The following ADGRV1 variants were observed in gnomAD, a reference collection of about 807,000 sequenced individuals.
ADGRV1 encodes adhesion G protein-coupled receptor V1, also known as G-protein coupled receptor 98.
ADGRV1 carries 359 observed loss-of-function variants against 596.2 expected under a neutral mutation model. The ratio of observed to expected loss-of-function variants is 0.60; its 90% CI spans 0.55 to 0.66. ADGRV1 has a LOEUF of 0.66. ADGRV1 is among the 30% of genes least tolerant of loss of function. The pLI is 0.00. For missense variants in ADGRV1, 7,274 were observed against 7,575.6 expected (o/e 0.96, Z 1.48); for synonymous variants, 2,681 against 2,679.2 (o/e 1.00, Z -0.02).
In ADGRV1 at chr5:90,627,743, G is replaced by T. The variant is rs1257849399; in HGVS notation, c.1205G>T (p.Arg402Met). 6.3e-7 allele frequency: 1 copy of T among 1,578,764 alleles called. No homozygotes were observed. Among genetic ancestry groups the T allele is most frequent in the African/African-American group, 1.4e-5 (1 of 73,650 alleles). The stretch of plus-strand genomic sequence containing the variant: ...TCATTCAACAGTGTTTTGTTTGAAA[G>T]GACAGTTATAATTGATGAAGATAGA... ...VLSFNSVLFE[R>M]TVIIDEDRIS... Residue 402 changes from arginine to methionine, a missense_variant, in exon 7 of 90, where the codon AGG becomes ATG. Transcript: ENST00000405460.
At chr5:91,112,554 T>C (rs1393859990) in intron 87 of ADGRV1, among the ~76,000 whole-genome samples, 1 of 152,164 alleles carries the variant, frequency 6.6e-6, no homozygotes, top group African/African-American at 2.4e-5. Flanking sequence ...GCAAAGCAAA[T>C]GACATTTGGG....
At chr5:91,098,353 G>C (rs944690977) in intron 86 of ADGRV1, among the ~76,000 whole-genome samples, 4 of 151,088 alleles carry the variant, frequency 2.6e-5, no homozygotes, top group Non-Finnish European at 4.4e-5. Context: ...GGTTAAAGGT[G>C]CCTCCTCAGA....
At chr5:90,891,101 A>G (rs1222338176) in intron 83 of ADGRV1, among the ~76,000 whole-genome samples, 2 of 150,588 alleles carry the variant, frequency 1.3e-5, no homozygotes, top group African/African-American at 4.9e-5. Flanking sequence ...TCTTTAAACA[A>G]AAAAGTTTGA....
chr5:91,075,891 T>C (rs1435268930), intron 86 of ADGRV1, among the ~76,000 whole-genome samples: 1 of 152,176 alleles, frequency 6.6e-6, no homozygotes, highest in Non-Finnish European at 1.5e-5. Flanking sequence ...TAGTTACTAT[T>C]ATCCTGCATT....
chr5:90,578,508 G>A (rs535256103), intron 1 of ADGRV1, among the ~76,000 whole-genome samples: 52 of 150,910 alleles, frequency 3.4e-4, no homozygotes, highest in Non-Finnish European at 6.5e-4. Flanking sequence ...GCTGGATTCC[G>A]TTTGCCAGTA....
intron 50 of ADGRV1, among the ~76,000 whole-genome samples, chr5:90,737,548 T>C (rs1321101033): frequency 6.6e-6 from 1 of 151,982 alleles, no homozygotes; most frequent in Non-Finnish European, 1.5e-5. Context: ...CTACTATTAT[T>C]GTATTGCAGT....
chr5:90,671,433 GAGTT>G (rs1170400545), intron 21 of ADGRV1, among the ~76,000 whole-genome samples: 1 of 152,148 alleles, frequency 6.6e-6, no homozygotes, highest in Non-Finnish European at 1.5e-5. Flanking sequence ...GCAAATAAAA[GAGTT>G]AGAATGTTGC....
At chr5:91,072,672 T>A in intron 86 of ADGRV1, 68 bp downstream of exon 86, 1 of 1,484,570 alleles carries the variant, frequency 6.7e-7, no homozygotes. Context: ...TGTCACTGAA[T>A]TTTTTTTATC....
chr5:90,613,998 T>A (rs1281894936), intron 1 of ADGRV1, among the ~76,000 whole-genome samples: 1 of 151,888 alleles, frequency 6.6e-6, no homozygotes, highest in Non-Finnish European at 1.5e-5. Flanking sequence ...TAATGATCCG[T>A]GAGGGAAATT....
At chr5:90,620,367 C>T (rs370659788) in intron 4 of ADGRV1, among the ~76,000 whole-genome samples, 2 of 152,178 alleles carry the variant, frequency 1.3e-5, no homozygotes, top group East Asian at 1.9e-4. Flanking sequence ...ATGAGCATTT[C>T]TTCATGTGTT....
chr5:90,765,043 C>A (rs865843322), intron 59 of ADGRV1, among the ~76,000 whole-genome samples: 1 of 152,110 alleles, frequency 6.6e-6, no homozygotes, highest in African/African-American at 2.4e-5. Context: ...GGGCTCCAAG[C>A]TCCTTGGGGG....
At chr5:90,571,995 A>C (rs1364498125) in intron 1 of ADGRV1, among the ~76,000 whole-genome samples, 1 of 152,076 alleles carries the variant, frequency 6.6e-6, no homozygotes, top group Non-Finnish European at 1.5e-5. Flanking sequence ...ATTTTTATGG[A>C]GCAGAGGATT....
At chr5:90,779,848 G>A (rs1390279454) in intron 64 of ADGRV1, 2 of 152,074 alleles carry the variant, frequency 1.3e-5, no homozygotes, top group Non-Finnish European at 2.9e-5. Context: ...TTTTTCTTGT[G>A]CATGAAAATA....
intron 89 of ADGRV1, among the ~76,000 whole-genome samples, chr5:91,158,885 ATGG>A (rs2126947945): frequency 6.6e-6 from 1 of 152,060 alleles, no homozygotes; most frequent in African/African-American, 2.4e-5. Context: ...GGATGGATGG[ATGG>A]ATGGATGGAT....
intron 84 of ADGRV1, among the ~76,000 whole-genome samples, chr5:90,966,386 G>C (rs989676379): frequency 6.6e-6 from 1 of 151,956 alleles, no homozygotes; most frequent in Non-Finnish European, 1.5e-5. Context: ...TTAAAAATTA[G>C]CTGGGCGTGG....
rs939285387 is a variant in ADGRV1 at position 90,651,611 on chromosome 5, A to G, written c.3297A>G (p.Thr1099=). 3.8e-6 allele frequency: 6 copies of G among 1,566,084 alleles called. No individual in the cohort carries two copies. Among genetic ancestry groups the G allele is most frequent in the Non-Finnish European group, 5.3e-6 (6 of 1,141,900 alleles). The change falls in exon 18 of 90, where the codon ACA becomes ACG. Residue 1099 remains threonine, a synonymous_variant. Coordinates refer to ENST00000405460, the MANE Select transcript of ADGRV1 (RefSeq NM_032119.4). Reference sequence around the variant, plus strand: ...TTTCCACTTTTAATTTAGGTGATACAGTAGTATATCAATATGGAGTAGCTA... The same window carrying G: ...TTTCCACTTTTAATTTAGGTGATACGGTAGTATATCAATATGGAGTAGCTA... ...YIILLNSTGD[T]VVYQYGVATV...
At chr5:90,892,665 C>T (rs1770934747) in intron 83 of ADGRV1, among the ~76,000 whole-genome samples, 2 of 152,194 alleles carry the variant, frequency 1.3e-5, no homozygotes, top group South Asian at 4.1e-4. Flanking sequence ...TTCACCCCCA[C>T]TCTTCTATCT....
rs552545923 is a variant in ADGRV1, at chr5:91,070,660, T to G, written c.18153-1787T>G. ...GCAAGTGGATGTTATGTTCCATAAG[T>G]AAAAATTTCTAGTTATATCTCTAAA... is the stretch of plus-strand genomic sequence containing the variant. On this transcript the variant is annotated intron_variant, in intron 85 of 89. Transcript: ENST00000405460. 3.3e-5 allele frequency among the ~76,000 whole-genome samples: 5 copies of G among 152,320 alleles called. No homozygotes were observed. The East Asian group carries it at 9.6e-4, about 29-fold the overall frequency.
At chr5:90,755,884 A>C (rs772935031) in intron 55 of ADGRV1, among the ~76,000 whole-genome samples, 5 of 149,850 alleles carry the variant, frequency 3.3e-5, no homozygotes, top group Non-Finnish European at 7.4e-5. Context: ...TAGTGTTACT[A>C]ATAGTGGTAT....
Sources: allele counts gnomAD v4.1 joint callset (sites outside exome capture counted in the v4.1 genomes callset), GRCh38; gene constraint gnomAD v4.1.1; transcripts MANE v1.5; gene names NCBI Gene and HGNC (gene_info 2026-07-23, HGNC 2026-07-21).